FBRSL1: variants seen among roughly 807,000 people sequenced by gnomAD.
The protein encoded by FBRSL1 is fibrosin-1-like protein.
Under a neutral mutation model 89.6 loss-of-function variants are expected in FBRSL1, and 51 were observed. The ratio of observed to expected loss-of-function variants is 0.57; its 90% CI spans 0.45 to 0.72. The LOEUF is 0.72. Ranked by LOEUF, FBRSL1 falls within the 30% of genes least tolerant of loss-of-function variation. The pLI is 0.00. For missense variants in FBRSL1, 1,618 were observed against 1,451.8 expected, an observed-to-expected ratio of 1.11 and a Z score of -1.86; for synonymous variants, 779 against 681.1, an observed-to-expected ratio of 1.14 and a Z score of -2.24.
At chr12:132,520,815 G>A (rs982942422) in intron 2 of FBRSL1, among the ~76,000 whole-genome samples, 5 of 152,182 alleles carry the variant, frequency 3.3e-5, no homozygotes, top group South Asian at 2.1e-4. Context: ...CTGTCCCTTC[G>A]GGAGCGAAGG....
rs1268123320 is a variant in FBRSL1, at chr12:132,507,884, G to A, written c.292-269G>A. On this transcript the variant is annotated intron_variant, in intron 1 of 18. Transcript: ENST00000680143. ...CTGGCCTCCTGTGAAGCTTACTGGA[G>A]ACTCCCTGCTGGACTAAGCTTTTTC... is the stretch of plus-strand genomic sequence containing the variant. 3.3e-5 allele frequency among the ~76,000 whole-genome samples: 5 copies of A among 152,228 alleles called. No homozygotes were observed. In the South Asian group the frequency reaches 6.2e-4, roughly 19 times the overall value.
chr12:132,573,973 C>T lies in FBRSL1; in HGVS notation c.1531-117C>T, dbSNP rs1292281059. 5 of 520,670 alleles carry T rather than the reference C, an allele frequency of 9.6e-6. No individual in the cohort carries two copies. In the East Asian group the frequency reaches 3.0e-4, roughly 31 times the overall value. 32.3% of individuals were successfully genotyped at this position (520,670 alleles called of 1,614,324 possible). ...CAGGCTGTCCCTGGGAGACAGCGTG[C>T]GGGGCCCCACGGCAAGGCAAAGCAG... On this transcript the variant is annotated intron_variant, in intron 11 of 18. Coordinates refer to ENST00000680143, the MANE Select transcript of FBRSL1 (RefSeq NM_001367871.1).
At chr12:132,505,044 TAAACCCGGGATGCAG>T (rs1308974157) in intron 1 of FBRSL1, among the ~76,000 whole-genome samples, 1 of 152,090 alleles carries the variant, frequency 6.6e-6, no homozygotes, top group African/African-American at 2.4e-5. Flanking sequence ...GAGAATTGCT[TAAACCCGGGATGCAG>T]AAGTTGCAGT....
chr12:132,528,988 A>G (rs1397791791), intron 4 of FBRSL1, among the ~76,000 whole-genome samples: 1 of 151,886 alleles, frequency 6.6e-6, no homozygotes, highest in Non-Finnish European at 1.5e-5. Context: ...CCCCATCACC[A>G]CTGTCCCCTG....
chr12:132,522,249 C>T (rs1427171658), intron 2 of FBRSL1, among the ~76,000 whole-genome samples: 5 of 152,126 alleles, frequency 3.3e-5, no homozygotes, highest in Non-Finnish European at 7.4e-5. Context: ...CAGGCCAGGC[C>T]GCACCTGAGC....
intron 1 of FBRSL1, among the ~76,000 whole-genome samples, chr12:132,501,934 A>G (rs2033027473): frequency 6.6e-6 from 1 of 152,188 alleles, no homozygotes; most frequent in African/African-American, 2.4e-5. Context: ...TGTCTCCAGC[A>G]CCTGGCTTCT....
In FBRSL1 at chr12:132,569,945, G is replaced by GGAGGCC; in HGVS notation, c.712_717dup (p.Glu238_Ala239dup). ...CTGCAGGCCCAGCGCTTGAGAAGTCGGAGGCCAAGGCCGGGCCGGTGCCCA... is the reference window on the plus strand; with the variant it reads ...CTGCAGGCCCAGCGCTTGAGAAGTCGGAGGCCGAGGCCAAGGCCGGGCCGGTGCCCA... On this transcript the variant is annotated inframe_insertion, in exon 7 of 19. Transcript: ENST00000680143. 1 of 1,420,848 alleles carries GGAGGCC rather than the reference G, an allele frequency of 7.0e-7. No individual in the cohort carries two copies. Among genetic ancestry groups the GGAGGCC allele is most frequent in the Non-Finnish European group, 9.1e-7 (1 of 1,095,064 alleles). 88.0% of individuals were successfully genotyped at this position (1,420,848 alleles called of 1,614,324 possible). A position where few individuals can be genotyped will look rare whatever the true frequency, so the allele number is the denominator to read the frequency against.
intron 1 of FBRSL1, 94 bp from the exon 2 acceptor site, chr12:132,508,059 G>A: frequency 7.8e-7 from 1 of 1,279,690 alleles, no homozygotes; most frequent in African/African-American, 1.5e-5. Context: ...CAAGTGGGGA[G>A]GCTCCTTCCC....
intron 5 of FBRSL1, among the ~76,000 whole-genome samples, chr12:132,555,580 A>G (rs559611973): frequency 3.0e-4 from 46 of 152,218 alleles, no homozygotes; most frequent in African/African-American, 1.1e-3. Context: ...CGTGGGGGCC[A>G]CACCCACAAG....
At position 132,490,419 on chromosome 12, in the gene FBRSL1, C is replaced by G. The variant is rs1334769632; in HGVS notation, c.-152C>G. ...TGAGCCGCCCCCCGCGCCCGGCATG[C>G]CCGGCCCGGCCCGCCGCCCGCCGCC... On this transcript the variant is annotated 5_prime_UTR_variant, in exon 1 of 19. Transcript: ENST00000680143. 2.4e-6 allele frequency: 1 copy of G among 420,058 alleles called. No homozygotes were observed. The highest frequency in any genetic ancestry group is 3.1e-6 in the Non-Finnish European group (1 of 321,140). 26.0% of individuals were successfully genotyped at this position (420,058 alleles called of 1,614,324 possible).
chr12:132,574,741 G>A (rs1267054508), intron 14 of FBRSL1, among the ~76,000 whole-genome samples, 177 bp downstream of exon 14: 7 of 152,046 alleles, frequency 4.6e-5, no homozygotes, highest in South Asian at 2.1e-4. Context: ...GCAGGTCAGC[G>A]AGGCCACAGG....
At chr12:132,491,555 C>T (rs1364882882) in intron 1 of FBRSL1, among the ~76,000 whole-genome samples, 4 of 152,244 alleles carry the variant, frequency 2.6e-5, no homozygotes, top group Non-Finnish European at 5.9e-5. Context: ...GGCCGAGACC[C>T]GCCCAGCGAG....
At chr12:132,572,248 C>T (rs1179683427) in intron 9 of FBRSL1, 40 bp from the exon 10 acceptor site, 18 of 1,541,418 alleles carry the variant, frequency 1.2e-5, no homozygotes, top group African/African-American at 5.5e-5. Flanking sequence ...GCAACGGTGT[C>T]GTGTGTGCGG....
At chr12:132,527,756 GGGGCAGGGTTGTGGGCTGCGGGGCTGCC>G (rs1208756598) in intron 3 of FBRSL1, among the ~76,000 whole-genome samples, 169 bp from the exon 4 acceptor site, 3 of 149,382 alleles carry the variant, frequency 2.0e-5, no homozygotes, top group Non-Finnish European at 4.5e-5. Context: ...GTGGGGCTGT[GGGGCAGGGTTGTGGGCTGCGGGGCTGCC>G]GGGCAGGGTT....
At position 132,521,349 on chromosome 12, in the gene FBRSL1, G is replaced by A. The variant is rs187007332; in HGVS notation, c.490-4385G>A. 2.1e-3 allele frequency among the ~76,000 whole-genome samples: 324 copies of A among 152,358 alleles called. 3 individuals carry two copies. Among genetic ancestry groups the A allele is most frequent in the African/African-American group, 7.3e-3 (304 of 41,586 alleles). ...TGCATACCTGTGCTCCATTTCTGCA[G>A]GGGCGTCGCGTTCCCGTCTCCTGCT... On this transcript the variant is annotated intron_variant, in intron 2 of 18. Coordinates refer to ENST00000680143, the MANE Select transcript of FBRSL1 (RefSeq NM_001367871.1).
At chr12:132,568,794 G>A (rs76078388) in intron 6 of FBRSL1, among the ~76,000 whole-genome samples, 151 of 152,240 alleles carry the variant, frequency 9.9e-4, no homozygotes, top group Admixed American at 2.0e-3. Context: ...TGTCCTCCGC[G>A]CAGCCTCTCT....
intron 2 of FBRSL1, among the ~76,000 whole-genome samples, chr12:132,524,668 G>A (rs1371229397): frequency 3.3e-5 from 5 of 152,234 alleles, no homozygotes; most frequent in Admixed American, 2.0e-4. Context: ...GTGCTGGGGC[G>A]TGTCACTACA....
intron 5 of FBRSL1, chr12:132,551,510 G>A (rs956088669): frequency 2.2e-6 from 1 of 456,224 alleles, no homozygotes; most frequent in Non-Finnish European, 4.4e-6. Flanking sequence ...GCGGGCGCAT[G>A]TCTCAGGCCA....
chr12:132,545,195 G>C (rs972181198), intron 4 of FBRSL1, among the ~76,000 whole-genome samples: 1 of 152,138 alleles, frequency 6.6e-6, no homozygotes, highest in Non-Finnish European at 1.5e-5. Flanking sequence ...CGGGGCCTGG[G>C]GTCTGTCCTC....
Sources: gnomAD v4.1 joint callset for allele counts (sites outside exome capture counted in the v4.1 genomes callset) on GRCh38, gnomAD v4.1.1 for gene constraint, MANE v1.5 for transcripts, NCBI Gene and HGNC (gene_info 2026-07-23, HGNC 2026-07-21) for gene names.